DCAF15: variants seen among roughly 807,000 people sequenced by gnomAD.
The protein encoded by DCAF15 is DDB1- and CUL4-associated factor 15.
Under a neutral mutation model 68.0 loss-of-function variants are expected in DCAF15, and 24 were observed. The observed-to-expected ratio is 0.35, with a 90% confidence interval of 0.26 to 0.50. The LOEUF is 0.50. DCAF15 is among the 20% of genes least tolerant of loss of function. The pLI is 0.98. For missense variants in DCAF15, 627 were observed against 830.6 expected, an observed-to-expected ratio of 0.75 and a Z score of 3.01; for synonymous variants, 376 against 341.6, an observed-to-expected ratio of 1.10 and a Z score of -1.11.
intron 1 of DCAF15, 53 bp downstream of exon 1, chr19:13,952,697 G>T: frequency 7.7e-7 from 1 of 1,296,134 alleles, no homozygotes; most frequent in Non-Finnish European, 9.7e-7. Flanking sequence ...GAGTAGGGAC[G>T]AGGGAGGCGG....
Position 13,952,531 on chromosome 19 carries a change from T to A in DCAF15, c.19T>A (p.Ser7Thr), listed in dbSNP as rs1973094543. The change falls in exon 1 of 13, where the codon TCG (serine) becomes ACG (threonine). Residue 7 changes from serine (S) to threonine (T), a missense_variant. Physicochemically the swap from Ser to Thr is moderately conservative, Grantham distance 58. Transcript: ENST00000254337. The part of the protein sequence containing the change: MAPSSK[S>T]ERNSGAGSGG... ...GGTGAAAATGGCGCCCAGCTCGAAA[T>A]CGGAGCGGAACAGCGGGGCTGGGAG... The A allele has an allele frequency of 8.0e-7, 1 of 1,247,862 alleles. No homozygotes were observed. The highest frequency in any genetic ancestry group is 1.0e-6 in the Non-Finnish European group (1 of 989,804). 77.3% of individuals were successfully genotyped at this position (1,247,862 alleles called of 1,614,324 possible). A position where few individuals can be genotyped will look rare whatever the true frequency, so the allele number is the denominator to read the frequency against.
At chr19:13,955,687 C>T (rs1012696700) in intron 3 of DCAF15, among the ~76,000 whole-genome samples, 2 of 152,164 alleles carry the variant, frequency 1.3e-5, no homozygotes, top group African/African-American at 4.8e-5. Context: ...CGCAGTCTCC[C>T]CCGGGACATT....
chr19:13,952,885 T>C, intron 1 of DCAF15: 2 of 155,790 alleles, frequency 1.3e-5, no homozygotes, highest in Non-Finnish European at 2.3e-5. Context: ...TGGAGGGGGT[T>C]GGGGGCGGGG....
rs146658232 is a variant in DCAF15, at chr19:13,953,523, C to G, written c.133-817C>G. ...GCTCCTTGGGCAGGGACTGTGTCTCCCCTGTCGGCCTGGGCCTGGCTGGCC... is the reference window on the plus strand; with the variant it reads ...GCTCCTTGGGCAGGGACTGTGTCTCGCCTGTCGGCCTGGGCCTGGCTGGCC... On this transcript the variant is annotated intron_variant, in intron 1 of 12. Transcript: ENST00000254337. The G allele has an allele frequency of 4.7e-3, 838 of 177,700 alleles. 7 individuals carry two copies. The highest frequency in any genetic ancestry group is 0.018 in the African/African-American group (778 of 42,066). The allele number at this position is 177,700 out of a possible 1,614,324, so 11.0% of individuals were successfully genotyped here.
intron 3 of DCAF15, 138 bp from the exon 4 acceptor site, chr19:13,955,774 A>G: frequency 1.3e-6 from 1 of 783,674 alleles, no homozygotes; most frequent in East Asian, 2.6e-5. Flanking sequence ...TCCTCAGGCA[A>G]GGTGGAGGGG....
Position 13,961,299 on chromosome 19 carries a change from G to A in DCAF15, c.*304G>A, listed in dbSNP as rs915075668. On this transcript the variant is annotated 3_prime_UTR_variant, in exon 13 of 13. Transcript: ENST00000254337. ...CCCCTCGTGCATTTGCCCTTTTCTC[G>A]GCTACAGCTGTGGACGTTGCCCTCG... is the stretch of plus-strand genomic sequence containing the variant. The A allele has an allele frequency of 3.2e-5, 16 of 493,974 alleles. No homozygotes were observed. Among genetic ancestry groups the A allele is most frequent in the African/African-American group, 1.4e-4 (7 of 51,442 alleles). 30.6% of individuals were successfully genotyped at this position (493,974 alleles called of 1,614,324 possible). A position where few individuals can be genotyped will look rare whatever the true frequency, so the allele number is the denominator to read the frequency against.
At chr19:13,957,127 C>T (rs764608136) in intron 6 of DCAF15, among the ~76,000 whole-genome samples, 1 of 150,882 alleles carries the variant, frequency 6.6e-6, no homozygotes, top group African/African-American at 2.5e-5. Flanking sequence ...GGTAGCGCCC[C>T]TTTCTCTTAA....
At chr19:13,959,018 C>T (rs139192817) in intron 6 of DCAF15, 27 bp from the exon 7 acceptor site, 20,851 of 1,552,590 alleles carry the variant, frequency 0.013, 228 homozygotes, top group South Asian at 0.037. Context: ...CCCAGACTGA[C>T]ACTTCTCCAC....
intron 3 of DCAF15, among the ~76,000 whole-genome samples, chr19:13,955,495 T>C (rs1973321505): frequency 6.6e-6 from 1 of 152,206 alleles, no homozygotes; most frequent in South Asian, 2.1e-4. Context: ...ACACACCCTA[T>C]GAAGCTGTAG....
intron 6 of DCAF15, 64 bp downstream of exon 6, chr19:13,956,586 AC>A: frequency 1.3e-6 from 2 of 1,571,164 alleles, no homozygotes; most frequent in Non-Finnish European, 1.7e-6. Flanking sequence ...CTACCCCACC[AC>A]ACAGACAAGG....
At chr19:13,952,667 G>A (rs772355191) in intron 1 of DCAF15, 23 bp downstream of exon 1, 1 of 1,294,092 alleles carries the variant, frequency 7.7e-7, no homozygotes, top group Non-Finnish European at 9.8e-7. Context: ...GCCGGAGTGG[G>A]GAGCGCGCCG....
chr19:13,954,501 C>G (rs541640335), intron 2 of DCAF15, 25 bp from the exon 3 acceptor site: 7 of 1,614,028 alleles, frequency 4.3e-6, no homozygotes, highest in Non-Finnish European at 5.9e-6. Flanking sequence ...CTGACCTGGC[C>G]GCTGTGCCCC....
chr19:13,952,534 G>C lies in DCAF15; in HGVS notation c.22G>C (p.Glu8Gln). The C allele has an allele frequency of 8.0e-7, 1 of 1,252,354 alleles. No individual in the cohort carries two copies. Among genetic ancestry groups the C allele is most frequent in the Non-Finnish European group, 1.0e-6 (1 of 991,760 alleles). 77.6% of individuals were successfully genotyped at this position (1,252,354 alleles called of 1,614,324 possible). MAPSSKS[E>Q]RNSGAGSGGG... ...GAAAATGGCGCCCAGCTCGAAATCG[G>C]AGCGGAACAGCGGGGCTGGGAGCGG... Residue 8 changes from glutamate (E) to glutamine (Q), a missense_variant, in exon 1 of 13, where the codon GAG becomes CAG. Glu to Gln is a conservative substitution (Grantham distance 29). Transcript: ENST00000254337.
chr19:13,954,016 C>T (rs1301814897), intron 1 of DCAF15, among the ~76,000 whole-genome samples: 1 of 152,064 alleles, frequency 6.6e-6, no homozygotes, highest in Non-Finnish European at 1.5e-5. Context: ...GCAGGTGGCC[C>T]AGCGTGGGAC....
Position 13,954,271 on chromosome 19 carries a change from C to T in DCAF15, c.133-69C>T, listed in dbSNP as rs568257152. ...GGACCCGGTGAGAGCCGCTCTGCCT[C>T]TCTGCCGTGGGTGAGGGGGCTGGGG... On this transcript the variant is annotated intron_variant, in intron 1 of 12. Transcript: ENST00000254337. The T allele has an allele frequency of 2.0e-4, 286 of 1,395,510 alleles. 1 individual carries two copies. The South Asian group carries it at 3.0e-3, about 14-fold the overall frequency. The allele number at this position is 1,395,510 out of a possible 1,614,324, so 86.4% of individuals were successfully genotyped here.
At position 13,956,521 on chromosome 19, in the gene DCAF15, A is replaced by G; in HGVS notation, c.783A>G (p.Ala261=). Residue 261 remains alanine, a splice_region_variant and synonymous_variant, in exon 6 of 13, where the codon GCA becomes GCG. Coordinates refer to ENST00000254337, the MANE Select transcript of DCAF15 (RefSeq NM_138353.4). ...CCTGCGCCGTCTCCGTCCACTCGGCAGGTAGGCCCTGCGGTCTCGTGGCCA... is the reference window on the plus strand; with the variant it reads ...CCTGCGCCGTCTCCGTCCACTCGGCGGGTAGGCCCTGCGGTCTCGTGGCCA... ...LVACAVSVHS[A]GDRSFCQILY... The G allele has an allele frequency of 6.2e-7, 1 of 1,612,962 alleles. No individual in the cohort carries two copies. The highest frequency in any genetic ancestry group is 1.3e-5 in the African/African-American group (1 of 75,064).
Position 13,961,284 on chromosome 19 carries a change from A to G in DCAF15, c.*289A>G, listed in dbSNP as rs1004641856. ...TGGGCATGGGCCTGGCCCCTCGTGCATTTGCCCTTTTCTCGGCTACAGCTG... is the reference window on the plus strand; with the variant it reads ...TGGGCATGGGCCTGGCCCCTCGTGCGTTTGCCCTTTTCTCGGCTACAGCTG... On this transcript the variant is annotated 3_prime_UTR_variant, in exon 13 of 13. Transcript: ENST00000254337. 21 of 520,672 alleles carry G rather than the reference A, an allele frequency of 4.0e-5. No individual in the cohort carries two copies. Among genetic ancestry groups the G allele is most frequent in the African/African-American group, 3.6e-4 (18 of 49,946 alleles). 32.3% of individuals were successfully genotyped at this position (520,672 alleles called of 1,614,324 possible). A position where few individuals can be genotyped will look rare whatever the true frequency, so the allele number is the denominator to read the frequency against.
chr19:13,956,645 CT>C, intron 6 of DCAF15, 123 bp downstream of exon 6: 1 of 1,160,250 alleles, frequency 8.6e-7, no homozygotes, highest in Middle Eastern at 2.8e-4. Context: ...GTCACACAGC[CT>C]GGTTGTGGGA....
Position 13,955,638 on chromosome 19 carries a change from C to T in DCAF15, c.367-274C>T, listed in dbSNP as rs193000369. 4.7e-3 allele frequency among the ~76,000 whole-genome samples: 710 copies of T among 152,230 alleles called. 16 individuals are homozygous for T. The highest frequency in any genetic ancestry group is 1.2e-3 in the Non-Finnish European group (84 of 67,994). ...ATACATGTGAACTCAGAGAGCTGAA[C>T]GGGCTTCAGGGTAGGCTGGGCTTGG... is the stretch of plus-strand genomic sequence containing the variant. On this transcript the variant is annotated intron_variant, in intron 3 of 12. Transcript: ENST00000254337.
Sources: allele counts gnomAD v4.1 joint callset (sites outside exome capture counted in the v4.1 genomes callset), GRCh38; gene constraint gnomAD v4.1.1; transcripts MANE v1.5; gene names NCBI Gene and HGNC (gene_info 2026-07-23, HGNC 2026-07-21).